Variants in CDKL5 observed in about 807,000 individuals in gnomAD.
CDKL5 encodes cyclin dependent kinase like 5.
In CDKL5, 8 loss-of-function variants were observed where a neutral mutation model predicts 61.7. The observed-to-expected ratio is 0.13, with a 90% CI of 0.08 to 0.23. The LOEUF (loss-of-function observed/expected upper bound fraction) is 0.23, where lower values mean the gene tolerates loss of function less well. CDKL5 is among the 10% of genes least tolerant of loss of function. CDKL5 has a pLI of 1.00. For synonymous variants in CDKL5, 275 were observed against 272.3 expected (o/e 1.01, Z -0.10); for missense variants, 440 against 734.5 (o/e 0.60, Z 4.63).
rs1927987162 is a variant in CDKL5, at chrX:18,650,548, A to G, written c.2936A>G (p.Gln979Arg). Residue 979 changes from glutamine (Q) to arginine (R), a missense_variant, in exon 21 of 22, where the codon CAG (glutamine) becomes CGG (arginine). Coordinates refer to the CDKL5 transcript ENST00000379989. The stretch of plus-strand genomic sequence containing the variant: ...GGCACTTCCATGTGCCCGACACTCC[A>G]GGTCCGAGGCACTGATGCTTTCAGC... 9 of 1,210,777 alleles carry G rather than the reference A, an allele frequency of 7.4e-6. No individual in the cohort carries two copies. Among genetic ancestry groups the G allele is most frequent in the Non-Finnish European group, 1.0e-5 (9 of 895,354 alleles).
In CDKL5 at chrX:18,564,497, G is replaced by C; in HGVS notation, c.120G>C (p.Ala40=). Reference sequence around the variant, plus strand: ...TGCAGGAAACACATGAAATTGTGGCGATCAAGAAATTCAAGGACAGTGAAG... The same window carrying C: ...TGCAGGAAACACATGAAATTGTGGCCATCAAGAAATTCAAGGACAGTGAAG... The part of the protein sequence containing the change: ...CRHKETHEIV[A]IKKFKDSEEN... Residue 40 remains alanine (A), a synonymous_variant, in exon 4 of 18, where the codon GCG becomes GCC. Transcript: ENST00000623535. 1.8e-6 allele frequency: 2 copies of C among 1,121,150 alleles called. No homozygotes were observed. The highest frequency in any genetic ancestry group is 2.4e-6 in the Non-Finnish European group (2 of 821,040). The allele number at this position is 1,121,150 out of a possible 1,213,427, so 92.4% of individuals were successfully genotyped here.
intron 3 of CDKL5, among the ~76,000 whole-genome samples, chrX:18,555,233 A>G (rs1047804557): frequency 1.8e-5 from 2 of 110,347 alleles, no homozygotes; most frequent in Non-Finnish European, 3.8e-5. Flanking sequence ...CTATGTGACA[A>G]CCGAAAGTGT....
Position 18,631,888 on chromosome X carries a change from T to G in CDKL5, c.*3131T>G. 1.3e-6 allele frequency: 1 copy of G among 749,676 alleles called. No homozygotes were observed. The highest frequency in any genetic ancestry group is 1.5e-4 in the East Asian group (1 of 6,570). 61.8% of individuals were successfully genotyped at this position (749,676 alleles called of 1,213,427 possible). On this transcript the variant is annotated 3_prime_UTR_variant, in exon 18 of 18. Transcript: ENST00000623535. ...AAGTGAGCTGACTCTACAACTGTGG[T>G]TCTCAACTAGGGGCAGATTTACCCC...
intron 15 of CDKL5, among the ~76,000 whole-genome samples, chrX:18,614,416 T>C (rs1926656121): frequency 8.9e-6 from 1 of 112,585 alleles, no homozygotes; most frequent in Admixed American, 9.4e-5. Flanking sequence ...GATATCTTGG[T>C]TGATGGCAAC....
At chrX:18,441,229 A>C (rs1931734130) in intron 1 of CDKL5, among the ~76,000 whole-genome samples, 1 of 111,285 alleles carries the variant, frequency 9.0e-6, no homozygotes, top group Non-Finnish European at 1.9e-5. Context: ...CAGCCTGGGC[A>C]ACATGGTGAA....
At chrX:18,434,120 G>A (rs927331902) in intron 1 of CDKL5, among the ~76,000 whole-genome samples, 2 of 111,895 alleles carry the variant, frequency 1.8e-5, no homozygotes, top group South Asian at 3.7e-4. Context: ...TTAGGAACGG[G>A]AAGTCTCATC....
At chrX:18,549,277 T>G (rs896540662) in intron 3 of CDKL5, among the ~76,000 whole-genome samples, 1 of 111,832 alleles carries the variant, frequency 8.9e-6, no homozygotes, top group African/African-American at 3.3e-5. Context: ...CTGACTTCGA[T>G]GGTCTCTACA....
rs923729346 is a variant in CDKL5 at position 18,634,726 on chromosome X, T to C, written c.*5969T>C. The C allele has an allele frequency of 1.3e-6, 1 of 750,271 alleles. No homozygotes were observed. 61.8% of individuals were successfully genotyped at this position (750,271 alleles called of 1,213,427 possible). On this transcript the variant is annotated 3_prime_UTR_variant, in exon 18 of 18. Transcript: ENST00000623535. ...AGTAAATTCTCACTGTAAACTTGGA[T>C]TGATTAACAGAAACAATTAAACCAA...
chrX:18,575,699 C>A (rs1229751648), intron 5 of CDKL5, among the ~76,000 whole-genome samples: 1 of 111,983 alleles, frequency 8.9e-6, no homozygotes, highest in African/African-American at 3.2e-5. Flanking sequence ...TAGAGATAAT[C>A]GTAAGTTTAA....
rs567110851 is a variant in CDKL5, at chrX:18,473,211, G to A, written c.-162-33724G>A. 5.4e-5 allele frequency among the ~76,000 whole-genome samples: 6 copies of A among 110,166 alleles called. No individual in the cohort carries two copies. In the South Asian group the frequency reaches 2.4e-3, roughly 43 times the overall value. On this transcript the variant is annotated intron_variant, in intron 1 of 17. Transcript: ENST00000623535. ...TGACTTGAAGTGATCCATCCGCCTC[G>A]GCCTCCCAAAGTGCTGGAATTACAG...
chrX:18,548,863 G>A (rs1184076432), intron 3 of CDKL5, among the ~76,000 whole-genome samples: 1 of 112,145 alleles, frequency 8.9e-6, no homozygotes, highest in African/African-American at 3.2e-5. Context: ...CTGTTCTAAA[G>A]CAGCCATATC....
At chrX:18,598,710 GAAA>G in intron 11 of CDKL5, 97 bp downstream of exon 11, 1 of 830,839 alleles carries the variant, frequency 1.2e-6, no homozygotes, top group Non-Finnish European at 1.8e-6. Context: ...AGAAAAGAAG[GAAA>G]GCCCTCTTTA....
intron 1 of CDKL5, among the ~76,000 whole-genome samples, chrX:18,474,419 AGT>A (rs1376390031): frequency 9.0e-6 from 1 of 111,184 alleles, no homozygotes; most frequent in African/African-American, 3.3e-5. Flanking sequence ...TAAGTCCCCA[AGT>A]TTCTACCTCC....
downstream of CDKL5, chrX:18,641,297 T>C (rs1927566058): frequency 8.8e-6 from 1 of 113,152 alleles, no homozygotes; most frequent in Non-Finnish European, 1.9e-5. Flanking sequence ...GATTGCATAA[T>C]GGAGCTGTGT....
At chrX:18,618,698 G>A (rs895474910) in intron 15 of CDKL5, among the ~76,000 whole-genome samples, 3 of 112,334 alleles carry the variant, frequency 2.7e-5, no homozygotes, top group African/African-American at 9.7e-5. Flanking sequence ...GCTGGCCGCG[G>A]TGGCTCACAC....
At position 18,604,635 on chromosome X, in the gene CDKL5, T is replaced by C. The variant is rs755177112; in HGVS notation, c.1711T>C (p.Leu571=). The C allele has an allele frequency of 6.6e-6, 8 of 1,210,578 alleles. No homozygotes were observed. The highest frequency in any genetic ancestry group is 8.9e-6 in the Non-Finnish European group (8 of 895,360). ...CAGACATTCTAAGACGATGGAGGAA[T>C]TGAAGCTGCCGGAGCACATGGACAG... ...TTRHSKTMEE[L]KLPEHMDSSH... Residue 571 remains leucine (L), a synonymous_variant, in exon 12 of 18, where the codon TTG becomes CTG. Transcript: ENST00000623535.
At chrX:18,541,535 G>GTT (rs1249849099) in intron 3 of CDKL5, among the ~76,000 whole-genome samples, 2 of 111,085 alleles carry the variant, frequency 1.8e-5, no homozygotes, top group Non-Finnish European at 3.8e-5. Context: ...GTTGTTGTTC[G>GTT]TTTTTGTTTT....
chrX:18,635,195 C>T lies in CDKL5; in HGVS notation c.*6438C>T. 1.3e-6 allele frequency: 1 copy of T among 745,588 alleles called. No individual in the cohort carries two copies. The highest frequency in any genetic ancestry group is 1.6e-6 in the Non-Finnish European group (1 of 631,942). The allele number at this position is 745,588 out of a possible 1,213,427, so 61.4% of individuals were successfully genotyped here. A position where few individuals can be genotyped will look rare whatever the true frequency, so the allele number is the denominator to read the frequency against. The stretch of plus-strand genomic sequence containing the variant: ...TAACTCTTTGTATCATGTGTTGGTA[C>T]ATCTTATCAAGTTTTTTCTGGCATG... On this transcript the variant is annotated 3_prime_UTR_variant, in exon 18 of 18. Transcript: ENST00000623535.
chrX:18,568,566 G>C (rs1925042136), intron 4 of CDKL5, among the ~76,000 whole-genome samples: 2 of 112,526 alleles, frequency 1.8e-5, no homozygotes, highest in South Asian at 3.6e-4. Flanking sequence ...AGTTTTTACA[G>C]TAAAATTGTA....
Sources: allele counts gnomAD v4.1 joint callset (sites outside exome capture counted in the v4.1 genomes callset), GRCh38; gene constraint gnomAD v4.1.1; transcripts MANE v1.5; gene names NCBI Gene and HGNC (gene_info 2026-07-23, HGNC 2026-07-21).